Variants in TXNRD3 observed in about 807,000 individuals in gnomAD.
TXNRD3 encodes TXNRD3 neighbor gene protein.
Under a neutral mutation model 78.2 loss-of-function variants are expected in TXNRD3, and 68 were observed. The observed-to-expected ratio is 0.87, with a 90% CI of 0.72 to 1.06. The LOEUF (loss-of-function observed/expected upper bound fraction) is 1.06. Ranked by LOEUF, TXNRD3 falls within the 50% of genes least tolerant of loss-of-function variation. TXNRD3 has a pLI of 0.00. For synonymous variants in TXNRD3, 296 were observed against 300.1 expected (o/e 0.99, Z 0.14); for missense variants, 751 against 809.5 (o/e 0.93, Z 0.88).
chr3:126,635,132 A>G (rs1296962601), intron 6 of TXNRD3, among the ~76,000 whole-genome samples: 1 of 152,130 alleles, frequency 6.6e-6, no homozygotes, highest in Non-Finnish European at 1.5e-5. Flanking sequence ...ATATCCTCAC[A>G]TCCTAAAGAT....
intron 11 of TXNRD3, 146 bp downstream of exon 11, chr3:126,622,318 T>G (rs901113490): frequency 7.1e-6 from 4 of 564,222 alleles, no homozygotes; most frequent in African/African-American, 3.8e-5. Flanking sequence ...TACTGATTGA[T>G]GAAGAAATTG....
At chr3:126,626,599 ATTCAC>A (rs1313223937) in intron 10 of TXNRD3, among the ~76,000 whole-genome samples, 1 of 152,212 alleles carries the variant, frequency 6.6e-6, no homozygotes, top group Non-Finnish European at 1.5e-5. Context: ...ACCTCTACAC[ATTCAC>A]TAGAATGCCT....
At chr3:126,646,075 C>A in intron 3 of TXNRD3, 36 bp downstream of exon 3, 3 of 1,425,692 alleles carry the variant, frequency 2.1e-6, no homozygotes, top group South Asian at 1.4e-5. Flanking sequence ...AAAATATGAA[C>A]AAACAGCATT....
chr3:126,654,941 G>A lies in TXNRD3; in HGVS notation c.50C>T (p.Ala17Val). Residue 17 changes from alanine to valine, a missense_variant, in exon 1 of 16, where the codon GCC becomes GTC. By Grantham distance (64) the Ala-to-Val change is moderately conservative. Coordinates refer to ENST00000524230, the MANE Select transcript of TXNRD3 (RefSeq NM_052883.3). Reference sequence around the variant, plus strand: ...GACATGGCCCGAGCGGCGGTTGGGGGCATCGCCCGCCTTTCCCGGCCCGGG... The same window carrying A: ...GACATGGCCCGAGCGGCGGTTGGGGACATCGCCCGCCTTTCCCGGCCCGGG... 2 of 1,296,166 alleles carry A rather than the reference G, an allele frequency of 1.5e-6. No homozygotes were observed. The highest frequency in any genetic ancestry group is 2.5e-5 in the South Asian group (1 of 40,632). The allele number at this position is 1,296,166 out of a possible 1,614,324, so 80.3% of individuals were successfully genotyped here.
intron 10 of TXNRD3, among the ~76,000 whole-genome samples, chr3:126,623,001 A>G (rs1278604268): frequency 6.6e-6 from 1 of 152,058 alleles, no homozygotes; most frequent in African/African-American, 2.4e-5. Flanking sequence ...GAAGAAACCA[A>G]CCCTGTCAAC....
At chr3:126,644,749 T>A (rs548413544) in intron 3 of TXNRD3, among the ~76,000 whole-genome samples, 31 of 152,356 alleles carry the variant, frequency 2.0e-4, no homozygotes, top group Middle Eastern at 3.4e-3. Context: ...AATAGCCAAG[T>A]ATCATTTTTC....
At chr3:126,639,457 C>T (rs367856770) in intron 6 of TXNRD3, among the ~76,000 whole-genome samples, 5 of 152,310 alleles carry the variant, frequency 3.3e-5, no homozygotes, top group African/African-American at 7.2e-5. Context: ...ACCCAGCTCT[C>T]GCCCAGCTCT....
At position 126,647,242 on chromosome 3, in the gene TXNRD3, G is replaced by C; in HGVS notation, c.298C>G (p.Gln100Glu). 4.6e-6 allele frequency: 7 copies of C among 1,534,868 alleles called. No individual in the cohort carries two copies. Among genetic ancestry groups the C allele is most frequent in the Non-Finnish European group, 6.1e-6 (7 of 1,146,412 alleles). Residue 100 changes from glutamine (Q) to glutamate (E), a missense_variant, in exon 2 of 16, where the codon CAA (glutamine) becomes GAA (glutamate). Coordinates refer to ENST00000524230, the MANE Select transcript of TXNRD3 (RefSeq NM_052883.3). ...TTGTAACTGGTCTACTTACCAACTT[G>C]ATCAAGTTCCAAGACATTACATTCG... is the stretch of plus-strand genomic sequence containing the variant.
chr3:126,651,048 T>A (rs906354317), intron 1 of TXNRD3, among the ~76,000 whole-genome samples: 1 of 152,192 alleles, frequency 6.6e-6, no homozygotes, highest in African/African-American at 2.4e-5. Context: ...ACTTATTGAA[T>A]GCCATTAGCA....
rs71615916 is a variant in TXNRD3 at position 126,637,932 on chromosome 3, C to CTTTT, written c.713-3885_713-3882dup. On this transcript the variant is annotated intron_variant, in intron 6 of 15. Coordinates refer to ENST00000524230, the MANE Select transcript of TXNRD3 (RefSeq NM_052883.3). Reference sequence around the variant, plus strand: ...CTTATTTTAACCTATATTTCTCTCTCTTTTTTTTTTTTTTTTTTTTTTTTT... The same window carrying CTTTT: ...CTTATTTTAACCTATATTTCTCTCTCTTTTTTTTTTTTTTTTTTTTTTTTTTTTT... Among the ~76,000 whole-genome samples, 167 of 60,240 alleles carry CTTTT rather than the reference C, an allele frequency of 2.8e-3. 13 individuals carry two copies. Among genetic ancestry groups the CTTTT allele is most frequent in the African/African-American group, 4.7e-3 (65 of 13,978 alleles). 39.5% of individuals were successfully genotyped at this position (60,240 alleles called of 152,430 possible).
At chr3:126,630,186 G>A (rs1202564728) in intron 9 of TXNRD3, among the ~76,000 whole-genome samples, 2 of 152,226 alleles carry the variant, frequency 1.3e-5, no homozygotes, top group Non-Finnish European at 2.9e-5. Flanking sequence ...GTAAGATAAG[G>A]ACAGAGACAT....
chr3:126,613,388 T>G (rs1198672739), intron 13 of TXNRD3, among the ~76,000 whole-genome samples: 2 of 152,212 alleles, frequency 1.3e-5, no homozygotes, highest in Non-Finnish European at 2.9e-5. Flanking sequence ...AGTTATACTC[T>G]TAGCTACAAC....
chr3:126,616,757 T>C (rs1395180934), intron 12 of TXNRD3, among the ~76,000 whole-genome samples: 2 of 152,180 alleles, frequency 1.3e-5, no homozygotes, highest in Non-Finnish European at 2.9e-5. Context: ...TATTCTTTGT[T>C]ACCCCAAAGA....
chr3:126,636,398 A>C (rs1484385252), intron 6 of TXNRD3, among the ~76,000 whole-genome samples: 1 of 152,194 alleles, frequency 6.6e-6, no homozygotes, highest in Non-Finnish European at 1.5e-5. Context: ...AGATATCAGT[A>C]GTGAATGTCT....
At chr3:126,610,243 G>T (rs779813518) in intron 14 of TXNRD3, among the ~76,000 whole-genome samples, 3 of 152,160 alleles carry the variant, frequency 2.0e-5, no homozygotes, top group Non-Finnish European at 2.9e-5. Context: ...GATAATGACT[G>T]CTGTTCAGTA....
intron 15 of TXNRD3, 47 bp from the exon 16 acceptor site, chr3:126,608,020 T>C (rs766730234): frequency 2.3e-5 from 31 of 1,358,464 alleles, no homozygotes; most frequent in South Asian, 8.7e-5. Context: ...GTTAGTATTG[T>C]TTTAAAAAAA....
chr3:126,652,417 C>A (rs1164555407), intron 1 of TXNRD3, among the ~76,000 whole-genome samples: 1 of 152,182 alleles, frequency 6.6e-6, no homozygotes, highest in Non-Finnish European at 1.5e-5. Context: ...GGTGGGGACA[C>A]AGATCCAAAC....
rs550068560 is a variant in TXNRD3, at chr3:126,628,100, G to A, written c.1290+1279C>T. Among the ~76,000 whole-genome samples the A allele has an allele frequency of 9.9e-5, 15 of 152,030 alleles. No homozygotes were observed. The East Asian group carries it at 1.9e-3, about 20-fold the overall frequency. Reference sequence around the variant, plus strand: ...AAATTCATCATCCACAGCTGCAAACGAAACACTGTTATAATTGAACATACA... The same window carrying A: ...AAATTCATCATCCACAGCTGCAAACAAAACACTGTTATAATTGAACATACA... On this transcript the variant is annotated intron_variant, in intron 10 of 15. Coordinates refer to ENST00000524230, the MANE Select transcript of TXNRD3 (RefSeq NM_052883.3).
chr3:126,640,100 T>TCCCCCCCAGTCTCTC (rs1165209807), intron 6 of TXNRD3, among the ~76,000 whole-genome samples: 83 of 5,938 alleles, frequency 0.014, 19 homozygotes, highest in Middle Eastern at 1. Flanking sequence ...TTTTCTTTTT[T>TCCCCCCCAGTCTCTC]TTTTTTTTTT....
Sources: allele counts gnomAD v4.1 joint callset (sites outside exome capture counted in the v4.1 genomes callset), GRCh38; gene constraint gnomAD v4.1.1; transcripts MANE v1.5; gene names NCBI Gene and HGNC (gene_info 2026-07-23, HGNC 2026-07-21).